Variants in NELL1 observed in about 807,000 individuals in gnomAD.
NELL1 encodes neural EGFL like 1.
Under a neutral mutation model 107.4 loss-of-function variants are expected in NELL1, and 76 were observed. The observed-to-expected ratio is 0.71, with a 90% CI of 0.59 to 0.86. The LOEUF is 0.86. NELL1 is among the 40% of genes least tolerant of loss of function. The pLI is 0.00. For synonymous variants in NELL1, 353 were observed against 341.2 expected, an observed-to-expected ratio of 1.03 and a Z score of -0.38; for missense variants, 1,024 against 1,005.5, an observed-to-expected ratio of 1.02 and a Z score of -0.25.
chr11:21,350,242 G>T (rs1450358702), intron 14 of NELL1, among the ~76,000 whole-genome samples: 1 of 151,886 alleles, frequency 6.6e-6, no homozygotes, highest in Non-Finnish European at 1.5e-5. Flanking sequence ...ATTGGATATG[G>T]TATTATTCTG....
chr11:21,127,814 C>T (rs1245184493), intron 13 of NELL1, among the ~76,000 whole-genome samples: 1 of 152,080 alleles, frequency 6.6e-6, no homozygotes, highest in Non-Finnish European at 1.5e-5. Context: ...AAGCATTGCC[C>T]AAATTATAAG....
chr11:20,837,179 A>G (rs1455618109), intron 3 of NELL1, among the ~76,000 whole-genome samples: 1 of 152,120 alleles, frequency 6.6e-6, no homozygotes, highest in Non-Finnish European at 1.5e-5. Flanking sequence ...ACCTGAGGGT[A>G]TTGGTTAATG....
chr11:20,863,444 C>T (rs1383275777), intron 4 of NELL1, among the ~76,000 whole-genome samples: 2 of 131,816 alleles, frequency 1.5e-5, no homozygotes, highest in East Asian at 2.3e-4. Context: ...GGCTGCTGGG[C>T]GGAGGGGCTC....
intron 2 of NELL1, among the ~76,000 whole-genome samples, chr11:20,715,085 TA>T (rs912216262): frequency 1.1e-4 from 16 of 148,926 alleles, no homozygotes; most frequent in East Asian, 3.9e-4. Flanking sequence ...CTACTAAAAA[TA>T]AAAAAAAAAT....
At chr11:20,737,477 T>C (rs1438967952) in intron 2 of NELL1, among the ~76,000 whole-genome samples, 3 of 152,148 alleles carry the variant, frequency 2.0e-5, no homozygotes, top group Non-Finnish European at 4.4e-5. Context: ...TACATGATAA[T>C]GCTCAAAAAG....
chr11:21,466,596 CT>C (rs1174570003), intron 15 of NELL1, among the ~76,000 whole-genome samples: 1 of 152,044 alleles, frequency 6.6e-6, no homozygotes, highest in African/African-American at 2.4e-5. Context: ...ATAGCAAAAG[CT>C]TTTATTTTTC....
chr11:20,965,979 C>G (rs1448024603), intron 12 of NELL1, among the ~76,000 whole-genome samples: 1 of 152,132 alleles, frequency 6.6e-6, no homozygotes. Flanking sequence ...ATTTAGGTAA[C>G]TTCTTTTACA....
chr11:20,865,182 G>GT (rs2134080027), intron 4 of NELL1, among the ~76,000 whole-genome samples: 1 of 152,318 alleles, frequency 6.6e-6, no homozygotes, highest in East Asian at 1.9e-4. Context: ...CTAGATTTCA[G>GT]TTTCTAGAGA....
At chr11:20,673,843 T>C (rs1430451406) in intron 1 of NELL1, among the ~76,000 whole-genome samples, 1 of 50,900 alleles carries the variant, frequency 2.0e-5, no homozygotes, top group Non-Finnish European at 3.5e-5. Flanking sequence ...AAACAATACA[T>C]TTTTTTTTTT....
intron 3 of NELL1, among the ~76,000 whole-genome samples, chr11:20,795,587 C>A (rs2133995735): frequency 6.6e-6 from 1 of 152,178 alleles, no homozygotes; most frequent in African/African-American, 2.4e-5. Context: ...GAACACTCTG[C>A]CAGTATATGT....
chr11:20,818,077 G>T (rs1162796717), intron 3 of NELL1, among the ~76,000 whole-genome samples: 4 of 152,090 alleles, frequency 2.6e-5, no homozygotes, highest in African/African-American at 9.7e-5. Context: ...TTGATGGATG[G>T]AGTATTCTAT....
At chr11:21,092,424 C>T (rs1322751246) in intron 12 of NELL1, among the ~76,000 whole-genome samples, 1 of 151,954 alleles carries the variant, frequency 6.6e-6, no homozygotes, top group Non-Finnish European at 1.5e-5. Context: ...AATAAAGATA[C>T]TATTACATGA....
At chr11:20,841,319 GTTTT>G (rs397772940) in intron 3 of NELL1, among the ~76,000 whole-genome samples, 3 of 123,506 alleles carry the variant, frequency 2.4e-5, no homozygotes, top group African/African-American at 3.0e-5. Flanking sequence ...CTCTGCTCAT[GTTTT>G]TTTTTTTTTT....
chr11:21,451,947 G>C (rs1446016636), intron 15 of NELL1, among the ~76,000 whole-genome samples: 1 of 152,132 alleles, frequency 6.6e-6, no homozygotes, highest in Admixed American at 6.5e-5. Flanking sequence ...TGGCTTTGTG[G>C]TGTGTATGTG....
chr11:21,482,442 C>T (rs987197455), intron 15 of NELL1, among the ~76,000 whole-genome samples: 3 of 152,086 alleles, frequency 2.0e-5, no homozygotes, highest in Non-Finnish European at 4.4e-5. Flanking sequence ...AGGATTTTTC[C>T]CAAATTTGGA....
At chr11:20,945,091 A>C (rs2134195660) in intron 10 of NELL1, among the ~76,000 whole-genome samples, 1 of 152,282 alleles carries the variant, frequency 6.6e-6, no homozygotes, top group African/African-American at 2.4e-5. Context: ...GCAAGAGTGA[A>C]ATTTATTTTA....
At chr11:21,366,543 A>G (rs1025394043) in intron 14 of NELL1, among the ~76,000 whole-genome samples, 4 of 152,084 alleles carry the variant, frequency 2.6e-5, no homozygotes, top group Non-Finnish European at 5.9e-5. Flanking sequence ...CTGGAAATGC[A>G]ACAATTGTCG....
chr11:21,072,505 G>A (rs1254251972), intron 12 of NELL1, among the ~76,000 whole-genome samples: 1 of 152,118 alleles, frequency 6.6e-6, no homozygotes. Context: ...TTGTATAAGA[G>A]CATTCTTCAT....
rs1265389142 is a variant in NELL1, at chr11:20,674,395, G to A, written c.56-3537G>A. 7.3e-6 allele frequency: 7 copies of A among 958,412 alleles called. 1 individual carries two copies. Among genetic ancestry groups the A allele is most frequent in the East Asian group, 5.2e-5 (2 of 38,232 alleles). 59.4% of individuals were successfully genotyped at this position (958,412 alleles called of 1,614,324 possible). On this transcript the variant is annotated intron_variant, in intron 1 of 19. Transcript: ENST00000357134. ...ATGTGCCAGATGGAGCTGTTGAAGT[G>A]TGAATATAGTTTCCCCGAGTCCTCA...
Sources: gnomAD v4.1 joint callset for allele counts (sites outside exome capture counted in the v4.1 genomes callset) on GRCh38, gnomAD v4.1.1 for gene constraint, MANE v1.5 for transcripts, NCBI Gene and HGNC (gene_info 2026-07-23, HGNC 2026-07-21) for gene names.